Variants in PEBP1 observed in about 807,000 individuals in gnomAD.
The protein encoded by PEBP1 is phosphatidylethanolamine binding protein 1.
In PEBP1, 17 loss-of-function variants were observed where a neutral mutation model predicts 22.7. The ratio of observed to expected loss-of-function variants is 0.75; its 90% CI spans 0.51 to 1.12. PEBP1 has a LOEUF of 1.12. Among genes scored for constraint, PEBP1 ranks in the 50% most tolerant of loss-of-function variants. PEBP1 has a pLI of 0.00. For missense variants in PEBP1, 205 were observed against 243.5 expected, an observed-to-expected ratio of 0.84 and a Z score of 1.05; for synonymous variants, 106 against 104.3, an observed-to-expected ratio of 1.02 and a Z score of -0.10.
chr12:118,144,028 T>A (rs904662), intron 3 of PEBP1, among the ~76,000 whole-genome samples: 1 of 152,044 alleles, frequency 6.6e-6, no homozygotes. Context: ...CACTTCGAAG[T>A]AGTCCTCCAG....
At chr12:118,142,495 AT>A (rs1477861847) in intron 3 of PEBP1, among the ~76,000 whole-genome samples, 1 of 145,808 alleles carries the variant, frequency 6.9e-6, no homozygotes, top group Non-Finnish European at 1.5e-5. Context: ...GCCTGGCAAA[AT>A]TTACCATCTT....
In PEBP1 at chr12:118,145,081, C is replaced by A; in HGVS notation, c.*278C>A. 3 of 1,247,410 alleles carry A rather than the reference C, an allele frequency of 2.4e-6. No homozygotes were observed. The highest frequency in any genetic ancestry group is 3.2e-6 in the Non-Finnish European group (3 of 931,008). The allele number at this position is 1,247,410 out of a possible 1,614,324, so 77.3% of individuals were successfully genotyped here. A position where few individuals can be genotyped will look rare whatever the true frequency, so the allele number is the denominator to read the frequency against. ...AAATTATTAATCTGAAAATAGCAAC[C>A]CAGAATGTAAAAAAGAAAAAACTGG... On this transcript the variant is annotated 3_prime_UTR_variant, in exon 4 of 4. Transcript: ENST00000261313.
In PEBP1 at chr12:118,136,406, G is replaced by C; in HGVS notation, c.135+62G>C. 2.0e-6 allele frequency: 3 copies of C among 1,491,064 alleles called. No individual in the cohort carries two copies. Among genetic ancestry groups the C allele is most frequent in the East Asian group, 2.5e-5 (1 of 39,760 alleles). The allele number at this position is 1,491,064 out of a possible 1,614,324, so 92.4% of individuals were successfully genotyped here. ...CGCGGAGGCCTGTGCCGGCCTCCTG[G>C]GTGGGACCCAGCGGAGACAGGGCCA... On this transcript the variant is annotated intron_variant, in intron 1 of 3. Coordinates refer to ENST00000261313, the MANE Select transcript of PEBP1 (RefSeq NM_002567.4). This position sits in a 1 kb window ranked among gnomAD's most constrained non-coding sequence, Gnocchi z 5.6.
chr12:118,138,294 C>T, intron 2 of PEBP1, 146 bp downstream of exon 2: 1 of 638,760 alleles, frequency 1.6e-6, no homozygotes. Context: ...GCCCTTTTGC[C>T]CCCCTACAGC....
chr12:118,140,545 A>AT (rs904949322), intron 3 of PEBP1, among the ~76,000 whole-genome samples: 93 of 146,352 alleles, frequency 6.4e-4, no homozygotes, highest in South Asian at 2.4e-3. Context: ...CTGTGTTCTC[A>AT]TTTTTTTTTT....
At chr12:118,141,933 T>C (rs1043381918) in intron 3 of PEBP1, among the ~76,000 whole-genome samples, 13 of 152,198 alleles carry the variant, frequency 8.5e-5, no homozygotes, top group Non-Finnish European at 1.6e-4. Context: ...GTTTCCAGTA[T>C]TTGGATATTA....
chr12:118,139,197 C>A (rs2034092919), intron 2 of PEBP1: 4 of 354,702 alleles, frequency 1.1e-5, no homozygotes, highest in Non-Finnish European at 2.2e-5. Flanking sequence ...CCTGTAATCC[C>A]AGCTACTTGG....
In PEBP1 at chr12:118,144,931, T is replaced by G. The variant is rs555037475; in HGVS notation, c.*128T>G. On this transcript the variant is annotated 3_prime_UTR_variant, in exon 4 of 4. Transcript: ENST00000261313. Reference sequence around the variant, plus strand: ...CATGGGTGAGACCTGACCAGTCAGATGGTAGTTGAGGGTGACTTTTCCTGC... The same window carrying G: ...CATGGGTGAGACCTGACCAGTCAGAGGGTAGTTGAGGGTGACTTTTCCTGC... The G allele has an allele frequency of 1.3e-6, 2 of 1,554,296 alleles. No individual in the cohort carries two copies. Among genetic ancestry groups the G allele is most frequent in the African/African-American group, 2.7e-5 (2 of 74,106 alleles).
chr12:118,137,023 G>A (rs1332509247), intron 1 of PEBP1, among the ~76,000 whole-genome samples: 2 of 152,248 alleles, frequency 1.3e-5, no homozygotes, highest in African/African-American at 4.8e-5. Flanking sequence ...ACATTGTTTT[G>A]GATGTTCACA....
At chr12:118,142,801 A>G (rs969617106) in intron 3 of PEBP1, among the ~76,000 whole-genome samples, 5 of 139,464 alleles carry the variant, frequency 3.6e-5, no homozygotes, top group African/African-American at 5.4e-5. Flanking sequence ...TTAAGTGTAC[A>G]CTACAGTAGC....
At position 118,145,179 on chromosome 12, in the gene PEBP1, A is replaced by G; in HGVS notation, c.*376A>G. On this transcript the variant is annotated 3_prime_UTR_variant, in exon 4 of 4. Coordinates refer to ENST00000261313, the MANE Select transcript of PEBP1 (RefSeq NM_002567.4). Reference sequence around the variant, plus strand: ...CTTTAAGGGAGGTTTAAAAAAAAAAAAAAAAAAAAAGATTGGTTGCCTCTG... The same window carrying G: ...CTTTAAGGGAGGTTTAAAAAAAAAAGAAAAAAAAAAGATTGGTTGCCTCTG... 4 of 388,774 alleles carry G rather than the reference A, an allele frequency of 1.0e-5. No individual in the cohort carries two copies. The highest frequency in any genetic ancestry group is 4.4e-5 in the South Asian group (2 of 45,932). The allele number at this position is 388,774 out of a possible 1,614,324, so 24.1% of individuals were successfully genotyped here.
chr12:118,142,317 C>T (rs762518061), intron 3 of PEBP1, among the ~76,000 whole-genome samples: 21 of 150,240 alleles, frequency 1.4e-4, no homozygotes, highest in South Asian at 2.1e-4. Context: ...CTCAGCCTCC[C>T]GAGTAGCTGG....
At chr12:118,143,236 C>T (rs919458436) in intron 3 of PEBP1, among the ~76,000 whole-genome samples, 2 of 152,136 alleles carry the variant, frequency 1.3e-5, no homozygotes, top group Non-Finnish European at 2.9e-5. Flanking sequence ...CAACAGCTCC[C>T]CATTTCCCTT....
intron 2 of PEBP1, among the ~76,000 whole-genome samples, chr12:118,138,690 C>T (rs1051264256): frequency 6.6e-6 from 1 of 152,046 alleles, no homozygotes; most frequent in African/African-American, 2.4e-5. Context: ...GCCACTATGC[C>T]CGGCCTGGTT....
rs532009148 is a variant in PEBP1, at chr12:118,144,530, G to A, written c.347-56G>A. On this transcript the variant is annotated intron_variant, in intron 3 of 3. Transcript: ENST00000261313. Reference sequence around the variant, plus strand: ...GAAACATTCGATAAAAATGGATGATGTCCCCATCTCAAGTGCTGGGCTGTG... The same window carrying A: ...GAAACATTCGATAAAAATGGATGATATCCCCATCTCAAGTGCTGGGCTGTG... 2,464 of 1,498,790 alleles carry A rather than the reference G, an allele frequency of 1.6e-3. 5 individuals carry two copies. Among genetic ancestry groups the A allele is most frequent in the Non-Finnish European group, 2.0e-3 (2,173 of 1,094,990 alleles). 92.8% of individuals were successfully genotyped at this position (1,498,790 alleles called of 1,614,324 possible). A position where few individuals can be genotyped will look rare whatever the true frequency, so the allele number is the denominator to read the frequency against.
chr12:118,142,163 T>C (rs2034119007), intron 3 of PEBP1, among the ~76,000 whole-genome samples: 1 of 150,956 alleles, frequency 6.6e-6, no homozygotes, highest in Non-Finnish European at 1.5e-5. Flanking sequence ...GTGGAGTGGC[T>C]GCCATGCATT....
chr12:118,141,875 G>A (rs1395699804), intron 3 of PEBP1, among the ~76,000 whole-genome samples: 2 of 152,176 alleles, frequency 1.3e-5, no homozygotes, highest in Non-Finnish European at 2.9e-5. Context: ...TCCCGTTGGT[G>A]AACAGGCCAG....
At chr12:118,139,357 G>A (rs1233556819) in intron 2 of PEBP1, 94 bp from the exon 3 acceptor site, 3 of 812,480 alleles carry the variant, frequency 3.7e-6, no homozygotes, top group Non-Finnish European at 6.5e-6. Context: ...GCTGTGTTGT[G>A]GCAGCCAGCA....
intron 3 of PEBP1, among the ~76,000 whole-genome samples, chr12:118,144,188 G>T (rs1415430634): frequency 2.0e-5 from 3 of 152,008 alleles, no homozygotes; most frequent in Non-Finnish European, 4.4e-5. Context: ...GTGTTCTGAT[G>T]GGGGGTGGTG....
Sources: allele counts gnomAD v4.1 joint callset (sites outside exome capture counted in the v4.1 genomes callset), GRCh38; gene constraint gnomAD v4.1.1; non-coding constraint Gnocchi (gnomAD v3.1); transcripts MANE v1.5; gene names NCBI Gene and HGNC (gene_info 2026-07-23, HGNC 2026-07-21).